Variants in RNLS observed in about 807,000 individuals in gnomAD.
RNLS encodes the protein renalase.
In RNLS, 39 loss-of-function variants were observed where a neutral mutation model predicts 39.8. That is an observed-to-expected ratio of 0.98 (90% confidence interval 0.76 to 1.28). RNLS has a LOEUF of 1.28. Among genes scored for constraint, RNLS ranks in the 50% most tolerant of loss-of-function variants. RNLS has a pLI of 0.00. For synonymous variants in RNLS, 147 were observed against 150.7 expected (o/e 0.98, Z 0.18); for missense variants, 410 against 413.3 (o/e 0.99, Z 0.07).
chr10:88,272,847 A>G (rs1166418210), downstream of RNLS, among the ~76,000 whole-genome samples: 1 of 152,120 alleles, frequency 6.6e-6, no homozygotes, highest in African/African-American at 2.4e-5. Context: ...TCTCTAATCT[A>G]GGGATTCTCA....
chr10:88,231,999 T>C, the RNLS span, among the ~76,000 whole-genome samples: 9 of 147,330 alleles, frequency 6.1e-5, no homozygotes, highest in African/African-American at 2.0e-4. Flanking sequence ...GTTCCTTCTA[T>C]TCCAGTTCTT....
intron 4 of RNLS, among the ~76,000 whole-genome samples, chr10:88,516,890 T>C (rs2134177805): frequency 2.0e-5 from 3 of 152,122 alleles, no homozygotes; most frequent in Admixed American, 2.0e-4. Context: ...ATATACCGAC[T>C]TTGACAAACT....
chr10:88,498,835 AG>A (rs1845314538), intron 4 of RNLS, among the ~76,000 whole-genome samples: 1 of 152,068 alleles, frequency 6.6e-6, no homozygotes, highest in South Asian at 2.1e-4. Flanking sequence ...TCTGGGTGAA[AG>A]ATGTATAGGA....
At chr10:88,173,154 G>T in the RNLS span, among the ~76,000 whole-genome samples, 1 of 151,886 alleles carries the variant, frequency 6.6e-6, no homozygotes, top group Non-Finnish European at 1.5e-5. Flanking sequence ...CACCGCGCCC[G>T]GCCGAGTGGA....
chr10:88,281,110 C>A (rs1052071221), downstream of RNLS, among the ~76,000 whole-genome samples: 3 of 152,198 alleles, frequency 2.0e-5, no homozygotes, highest in African/African-American at 7.2e-5. Context: ...ATATTCCAGA[C>A]TGAAATACAG....
At chr10:88,329,655 C>T (rs564505961) in intron 5 of RNLS, among the ~76,000 whole-genome samples, 1 of 152,052 alleles carries the variant, frequency 6.6e-6, no homozygotes, top group Non-Finnish European at 1.5e-5. Context: ...TATTCTCATT[C>T]TATCTTCACA....
At chr10:88,517,952 T>C (rs780713542) in intron 4 of RNLS, among the ~76,000 whole-genome samples, 1 of 151,918 alleles carries the variant, frequency 6.6e-6, no homozygotes, top group Non-Finnish European at 1.5e-5. Context: ...TTATAAATCT[T>C]AATTTTGTGA....
At chr10:88,462,787 G>A (rs1366907057) in intron 4 of RNLS, among the ~76,000 whole-genome samples, 1 of 150,908 alleles carries the variant, frequency 6.6e-6, no homozygotes, top group Non-Finnish European at 1.5e-5. Context: ...AACTTATCAA[G>A]AATTCACTCA....
chr10:88,509,271 A>C lies in RNLS; in HGVS notation c.526+63632T>G, dbSNP rs148687364. Among the ~76,000 whole-genome samples the C allele has an allele frequency of 9.2e-5, 14 of 152,258 alleles. No individual in the cohort carries two copies. In the East Asian group the frequency reaches 2.7e-3, roughly 29 times the overall value. On this transcript the variant is annotated intron_variant, in intron 4 of 6. Coordinates refer to ENST00000331772, the MANE Select transcript of RNLS (RefSeq NM_001031709.3). ...AAACAAAGACAGGCAACTGTTGCACATTATCCTAAATGAGGGACAGAATTG... is the reference window on the plus strand; with the variant it reads ...AAACAAAGACAGGCAACTGTTGCACCTTATCCTAAATGAGGGACAGAATTG...
chr10:88,448,399 A>G (rs1260417135), intron 4 of RNLS, among the ~76,000 whole-genome samples: 1 of 152,248 alleles, frequency 6.6e-6, no homozygotes, highest in Non-Finnish European at 1.5e-5. Context: ...ACATGAAAAA[A>G]TGCTCATCAT....
intron 4 of RNLS, among the ~76,000 whole-genome samples, chr10:88,518,701 G>C (rs1180301671): frequency 1.3e-5 from 2 of 151,946 alleles, no homozygotes; most frequent in African/African-American, 2.4e-5. Context: ...TGTCTACCTA[G>C]AGAGAGGAGA....
At chr10:88,356,745 A>C (rs924812088) in intron 5 of RNLS, among the ~76,000 whole-genome samples, 2 of 152,150 alleles carry the variant, frequency 1.3e-5, no homozygotes, top group Non-Finnish European at 2.9e-5. Context: ...AAGATATTGA[A>C]AACTATGTCA....
At chr10:88,240,987 T>C in the RNLS span, among the ~76,000 whole-genome samples, 1 of 151,102 alleles carries the variant, frequency 6.6e-6, no homozygotes, top group African/African-American at 2.4e-5. Context: ...TAATAAATTA[T>C]ATAATTGATT....
In RNLS at chr10:88,445,350, GC is replaced by G. The variant is rs536891493; in HGVS notation, c.527-82626del. On this transcript the variant is annotated intron_variant, in intron 4 of 6. Transcript: ENST00000331772. The stretch of plus-strand genomic sequence containing the variant: ...ACATGGAAAGGAACAACTGGTACCA[GC>G]CACTGCAAAAACATGCCAAATTGTA... Among the ~76,000 whole-genome samples, 583 of 152,296 alleles carry G rather than the reference GC, an allele frequency of 3.8e-3. 3 individuals carry two copies. Among genetic ancestry groups the G allele is most frequent in the African/African-American group, 0.013 (555 of 41,554 alleles).
At chr10:88,530,488 A>C (rs1489553073) in intron 4 of RNLS, among the ~76,000 whole-genome samples, 1 of 152,030 alleles carries the variant, frequency 6.6e-6, no homozygotes, top group East Asian at 1.9e-4. Context: ...AATTTTATGT[A>C]GTTATTTTTT....
chr10:88,568,966 G>C (rs1433839921), intron 4 of RNLS, among the ~76,000 whole-genome samples: 1 of 152,138 alleles, frequency 6.6e-6, no homozygotes, highest in African/African-American at 2.4e-5. Context: ...CAGAAACTCA[G>C]ACTGTGGCCC....
the RNLS span, among the ~76,000 whole-genome samples, chr10:88,251,083 A>G: frequency 1.3e-5 from 2 of 152,248 alleles, no homozygotes; most frequent in Admixed American, 6.5e-5. Context: ...ATGCTTGCAT[A>G]TTCAGAGGGA....
chr10:88,516,835 T>G (rs1220493190), intron 4 of RNLS, among the ~76,000 whole-genome samples: 1 of 152,000 alleles, frequency 6.6e-6, no homozygotes, highest in African/African-American at 2.4e-5. Context: ...TGTACAGCAT[T>G]TAAAACCATC....
chr10:88,239,777 T>G, the RNLS span, among the ~76,000 whole-genome samples: 1 of 152,186 alleles, frequency 6.6e-6, no homozygotes, highest in Non-Finnish European at 1.5e-5. Flanking sequence ...TTGATACACA[T>G]TCAAGTTACA....
Sources: allele counts gnomAD v4.1 joint callset (sites outside exome capture counted in the v4.1 genomes callset), GRCh38; gene constraint gnomAD v4.1.1; transcripts MANE v1.5; gene names NCBI Gene and HGNC (gene_info 2026-07-23, HGNC 2026-07-21).